The following GRIN3A variants were observed in gnomAD, a reference collection of about 807,000 sequenced individuals.
GRIN3A encodes glutamate receptor ionotropic, NMDA 3A.
A neutral mutation model predicts 92.4 loss-of-function variants in GRIN3A; 47 were observed. The ratio of observed to expected loss-of-function variants is 0.51; its 90% CI spans 0.40 to 0.65. GRIN3A has a LOEUF of 0.65. GRIN3A is among the 30% of genes least tolerant of loss of function. The pLI is 0.00. For missense variants in GRIN3A, 1,324 were observed against 1,393.1 expected (o/e 0.95, Z 0.79); for synonymous variants, 527 against 540.6 (o/e 0.97, Z 0.35).
Position 101,571,748 on chromosome 9 carries a change from G to A in GRIN3A, c.*1426C>T, listed in dbSNP as rs1588231762. On this transcript the variant is annotated 3_prime_UTR_variant, in exon 9 of 9. Coordinates refer to ENST00000361820, the MANE Select transcript of GRIN3A (RefSeq NM_133445.3). Reference sequence around the variant, plus strand: ...GGTGTTTCTAGAAAAGTAATTTTTAGACCACCTGTGTCAGTCACTTGGGGG... The same window carrying A: ...GGTGTTTCTAGAAAAGTAATTTTTAAACCACCTGTGTCAGTCACTTGGGGG... 6.6e-6 allele frequency: 1 copy of A among 152,180 alleles called. No homozygotes were observed. The highest frequency in any genetic ancestry group is 1.9e-4 in the East Asian group (1 of 5,188). The allele number at this position is 152,180 out of a possible 1,614,324, so 9.4% of individuals were successfully genotyped here. A position where few individuals can be genotyped will look rare whatever the true frequency, so the allele number is the denominator to read the frequency against.
intron 3 of GRIN3A, among the ~76,000 whole-genome samples, chr9:101,636,476 G>A (rs1467161736): frequency 6.6e-6 from 1 of 152,148 alleles, no homozygotes; most frequent in Non-Finnish European, 1.5e-5. Flanking sequence ...GAAACTTGGA[G>A]CTATTAAGCA....
chr9:101,698,221 T>C (rs1050217501), intron 1 of GRIN3A, among the ~76,000 whole-genome samples: 1 of 152,212 alleles, frequency 6.6e-6, no homozygotes, highest in Non-Finnish European at 1.5e-5. Context: ...TGCCTGAAAT[T>C]GTTTGCTATT....
At position 101,613,524 on chromosome 9, in the gene GRIN3A, T is replaced by A. The variant is rs772443960; in HGVS notation, c.2618A>T (p.Tyr873Phe). ...TVGKPFAIEG[Y>F]GIGLPPNSPL... is the part of the protein sequence containing the mutation. ...AGAGTTGGGTGGGAGGCCAATGCCG[T>A]ATCCTAGAAGAAAATACAATCTCAG... Residue 873 changes from tyrosine (Y) to phenylalanine (F), a missense_variant, in exon 6 of 9, where the codon TAC becomes TTC. Physicochemically the swap from Tyr to Phe is conservative, Grantham distance 22. Coordinates refer to ENST00000361820, the MANE Select transcript of GRIN3A (RefSeq NM_133445.3). 6.2e-7 allele frequency: 1 copy of A among 1,614,152 alleles called. No individual in the cohort carries two copies. Among genetic ancestry groups the A allele is most frequent in the Non-Finnish European group, 8.5e-7 (1 of 1,180,002 alleles).
chr9:101,694,924 C>A, intron 1 of GRIN3A, among the ~76,000 whole-genome samples: 1 of 152,174 alleles, frequency 6.6e-6, no homozygotes, highest in Admixed American at 6.5e-5. Flanking sequence ...CAGAGAGTCA[C>A]TGCAATCTTC....
At chr9:101,727,166 G>A (rs897492672) in intron 1 of GRIN3A, among the ~76,000 whole-genome samples, 3 of 152,010 alleles carry the variant, frequency 2.0e-5, no homozygotes, top group African/African-American at 7.2e-5. Flanking sequence ...AAACAGCAAG[G>A]GCTAGGTAAA....
At chr9:101,582,916 C>T (rs1458296914) in intron 6 of GRIN3A, among the ~76,000 whole-genome samples, 1 of 152,088 alleles carries the variant, frequency 6.6e-6, no homozygotes, top group East Asian at 1.9e-4. Flanking sequence ...AACAAATAGG[C>T]CGTATTGTTT....
intron 1 of GRIN3A, among the ~76,000 whole-genome samples, chr9:101,708,339 C>T (rs117180711): frequency 8.5e-4 from 129 of 152,224 alleles, no homozygotes; most frequent in African/African-American, 2.9e-3. Flanking sequence ...TGGAATTATA[C>T]GTCTTTTATG....
intron 1 of GRIN3A, among the ~76,000 whole-genome samples, chr9:101,717,388 C>T (rs1190672363): frequency 6.6e-6 from 1 of 152,142 alleles, no homozygotes; most frequent in Non-Finnish European, 1.5e-5. Context: ...GCTCCAACCT[C>T]AGGAGTTCTG....
chr9:101,612,243 C>T (rs566020032), intron 6 of GRIN3A, among the ~76,000 whole-genome samples: 12 of 152,142 alleles, frequency 7.9e-5, no homozygotes, highest in Non-Finnish European at 1.2e-4. Context: ...TGGGCATATT[C>T]GAGGCATATT....
intron 1 of GRIN3A, among the ~76,000 whole-genome samples, chr9:101,705,170 C>T (rs1829797895): frequency 6.6e-6 from 1 of 152,114 alleles, no homozygotes; most frequent in African/African-American, 2.4e-5. Context: ...TACCATGCCT[C>T]TCCACCCCCA....
At chr9:101,727,490 C>T (rs1184692910) in intron 1 of GRIN3A, among the ~76,000 whole-genome samples, 2 of 152,040 alleles carry the variant, frequency 1.3e-5, no homozygotes, top group Non-Finnish European at 2.9e-5. Context: ...CTTTATCTTT[C>T]CTTATGAATG....
intron 6 of GRIN3A, among the ~76,000 whole-genome samples, chr9:101,607,115 T>C (rs557670692): frequency 3.5e-4 from 53 of 151,198 alleles, no homozygotes; most frequent in African/African-American, 1.2e-3. Context: ...ACCTGCAATT[T>C]CCTAAGTGAC....
At chr9:101,709,487 AGTTGAT>A (rs1449192346) in intron 1 of GRIN3A, among the ~76,000 whole-genome samples, 1 of 152,224 alleles carries the variant, frequency 6.6e-6, no homozygotes, top group African/African-American at 2.4e-5. Context: ...CGAATTCCAT[AGTTGAT>A]GTTGTAGCAG....
rs774242537 is a variant in GRIN3A at position 101,579,223 on chromosome 9, C to T, written c.2904G>A (p.Lys968=). 6.2e-7 allele frequency: 1 copy of T among 1,613,980 alleles called. No homozygotes were observed. Among genetic ancestry groups the T allele is most frequent in the Non-Finnish European group, 8.5e-7 (1 of 1,179,924 alleles). Residue 968 remains lysine (K), a synonymous_variant, in exon 7 of 9, where the codon AAG becomes AAA. Coordinates refer to ENST00000361820, the MANE Select transcript of GRIN3A (RefSeq NM_133445.3). ...GGCTGGTGTGGAGCCAGTATTGCAG[C>T]TTGGATTTGTTTTTGATTCGTGGTA... is the stretch of plus-strand genomic sequence containing the variant. The part of the protein sequence containing the change: ...LLLPRIKNKS[K]LQYWLHTSQR...
chr9:101,721,640 G>A (rs1225839339), intron 1 of GRIN3A, among the ~76,000 whole-genome samples: 1 of 152,172 alleles, frequency 6.6e-6, no homozygotes, highest in Non-Finnish European at 1.5e-5. Flanking sequence ...TCCAGGCTGA[G>A]GTGGTCTCAG....
At chr9:101,592,768 T>C (rs1189866537) in intron 6 of GRIN3A, 3 of 152,076 alleles carry the variant, frequency 2.0e-5, no homozygotes, top group Admixed American at 1.3e-4. Flanking sequence ...TTTTTTTTTT[T>C]TCTATTTTGG....
rs1588240707 is a variant in GRIN3A at position 101,594,793 on chromosome 9, G to C, written c.2767-15433C>G. On this transcript the variant is annotated intron_variant, in intron 6 of 8. Transcript: ENST00000361820. ...TGTGGCGCAGCTCCGGCAGGGACAT[G>C]AACTCCTCCACGCTCAGAGACCCTG... 7 of 1,613,448 alleles carry C rather than the reference G, an allele frequency of 4.3e-6. No homozygotes were observed. The South Asian group carries it at 5.5e-5, about 13-fold the overall frequency.
intron 2 of GRIN3A, 79 bp downstream of exon 2, chr9:101,686,517 G>T: frequency 1.3e-6 from 2 of 1,515,826 alleles, no homozygotes; most frequent in Non-Finnish European, 1.8e-6. Flanking sequence ...CAAGATTTCT[G>T]CAAAGCGGAC....
At chr9:101,666,161 A>G (rs952066059) in intron 3 of GRIN3A, among the ~76,000 whole-genome samples, 1 of 151,732 alleles carries the variant, frequency 6.6e-6, no homozygotes, top group African/African-American at 2.4e-5. Flanking sequence ...TTCAAACAGA[A>G]ATTTTTCTCC....
Sources: allele counts gnomAD v4.1 joint callset (sites outside exome capture counted in the v4.1 genomes callset), GRCh38; gene constraint gnomAD v4.1.1; transcripts MANE v1.5; gene names NCBI Gene and HGNC (gene_info 2026-07-23, HGNC 2026-07-21).